The following JPH3 variants were observed in gnomAD, a reference collection of about 807,000 sequenced individuals.
JPH3 encodes the protein junctophilin-3.
JPH3 carries 11 observed loss-of-function variants against 59.6 expected under a neutral mutation model. The ratio of observed to expected loss-of-function variants is 0.18; its 90% CI spans 0.12 to 0.31. The LOEUF (loss-of-function observed/expected upper bound fraction) is 0.31, where lower values mean the gene tolerates loss of function less well. Among genes scored for constraint, JPH3 ranks in the 10% least tolerant of loss-of-function variants. The probability of loss-of-function intolerance (pLI) is 1.00; values close to 1 mark genes in which losing one functional copy is unlikely to be tolerated. For missense variants in JPH3, 1,202 were observed against 1,105.7 expected, an observed-to-expected ratio of 1.09 and a Z score of -1.24; for synonymous variants, 673 against 483.6, an observed-to-expected ratio of 1.39 and a Z score of -5.14.
chr16:87,605,460 C>G (rs1399648837), intron 1 of JPH3, among the ~76,000 whole-genome samples: 1 of 152,226 alleles, frequency 6.6e-6, no homozygotes, highest in Non-Finnish European at 1.5e-5. Flanking sequence ...AAAGCAGACA[C>G]AGATCTTTGC....
intron 1 of JPH3, among the ~76,000 whole-genome samples, chr16:87,642,051 C>T (rs994230304): frequency 6.6e-5 from 10 of 151,958 alleles, no homozygotes; most frequent in African/African-American, 1.2e-4. Flanking sequence ...GAGGAGAGAG[C>T]GTGAACAGAG....
chr16:87,677,185 T>TACACACACACAC (rs764055221), intron 2 of JPH3, among the ~76,000 whole-genome samples: 2 of 95,196 alleles, frequency 2.1e-5, no homozygotes, highest in African/African-American at 9.4e-5. Flanking sequence ...TATATATATA[T>TACACACACACAC]ACACACACAC....
chr16:87,620,272 A>G (rs1478269980), intron 1 of JPH3, among the ~76,000 whole-genome samples: 3 of 150,764 alleles, frequency 2.0e-5, no homozygotes, highest in African/African-American at 7.3e-5. Context: ...GGAAGAGTAC[A>G]GCAGAGGCCA....
chr16:87,661,415 C>G (rs57093216), intron 2 of JPH3, among the ~76,000 whole-genome samples: 28,948 of 151,860 alleles, frequency 0.19, 3,144 homozygotes, highest in South Asian at 0.38. Context: ...CCACGCTCTC[C>G]TCTGGGCCTG....
At chr16:87,653,438 A>G (rs72628301) in intron 2 of JPH3, 33,664 of 152,152 alleles carry the variant, frequency 0.22, 3,888 homozygotes, top group East Asian at 0.35. Flanking sequence ...GCCCAGCAGG[A>G]AGCCCCACAG....
intron 2 of JPH3, among the ~76,000 whole-genome samples, chr16:87,669,872 G>A (rs761753080): frequency 1.1e-4 from 17 of 152,110 alleles, no homozygotes; most frequent in Non-Finnish European, 2.1e-4. Context: ...GAGGAGCAGA[G>A]AGGTTGCAGC....
chr16:87,687,192 G>A (rs1437118390), intron 3 of JPH3, among the ~76,000 whole-genome samples: 1 of 152,154 alleles, frequency 6.6e-6, no homozygotes, highest in Non-Finnish European at 1.5e-5. Context: ...GCTGGGGGAA[G>A]CTGTCCAGGT....
At chr16:87,627,339 G>T (rs2031414585) in intron 1 of JPH3, among the ~76,000 whole-genome samples, 1 of 152,212 alleles carries the variant, frequency 6.6e-6, no homozygotes, top group Non-Finnish European at 1.5e-5. Flanking sequence ...AGCTTGAGGG[G>T]GTCTTGGCGC....
chr16:87,621,890 C>T (rs1075969), intron 1 of JPH3, among the ~76,000 whole-genome samples: 48,649 of 151,960 alleles, frequency 0.32, 8,108 homozygotes, highest in African/African-American at 0.37. Context: ...AGACCTGCAC[C>T]AAAATAATGC....
chr16:87,650,945 C>T (rs2032308394), intron 2 of JPH3, among the ~76,000 whole-genome samples: 1 of 152,250 alleles, frequency 6.6e-6, no homozygotes, highest in Non-Finnish European at 1.5e-5. Context: ...GATGGAACAG[C>T]TTTCTATTGG....
intron 3 of JPH3, among the ~76,000 whole-genome samples, chr16:87,685,157 C>T (rs1597289952): frequency 6.6e-6 from 1 of 152,200 alleles, no homozygotes; most frequent in Non-Finnish European, 1.5e-5. Context: ...CTGGGCGCTC[C>T]CCTGACTGGA....
intron 2 of JPH3, among the ~76,000 whole-genome samples, chr16:87,664,496 G>T (rs999144999): frequency 2.0e-5 from 3 of 151,950 alleles, no homozygotes; most frequent in Non-Finnish European, 4.4e-5. Flanking sequence ...GTGGTGGCAT[G>T]CGCCTGTAAT....
Position 87,657,422 on chromosome 16 carries a change from A to G in JPH3, c.1160+12387A>G, listed in dbSNP as rs115520943. Among the ~76,000 whole-genome samples, 285 of 152,268 alleles carry G rather than the reference A, an allele frequency of 1.9e-3. 3 individuals carry two copies. The highest frequency in any genetic ancestry group is 6.5e-3 in the African/African-American group (269 of 41,536). On this transcript the variant is annotated intron_variant, in intron 2 of 4. Transcript: ENST00000284262. Reference sequence around the variant, plus strand: ...GGGAACAACGGGGAGTGGCTTCTTCATGGGTGTAGGGTTTCTGTTGAGGGC... The same window carrying G: ...GGGAACAACGGGGAGTGGCTTCTTCGTGGGTGTAGGGTTTCTGTTGAGGGC...
chr16:87,695,457 C>T (rs556685081), intron 4 of JPH3: 10 of 455,800 alleles, frequency 2.2e-5, no homozygotes, highest in South Asian at 6.2e-5. Flanking sequence ...TGGAGGGCTC[C>T]GGGGGCTCTG....
chr16:87,606,635 A>T (rs1351940869), intron 1 of JPH3, among the ~76,000 whole-genome samples: 2 of 152,202 alleles, frequency 1.3e-5, no homozygotes, highest in African/African-American at 4.8e-5. Flanking sequence ...CAAAAGGTTG[A>T]TAACAATACC....
At chr16:87,661,669 G>A (rs182781231) in intron 2 of JPH3, among the ~76,000 whole-genome samples, 1 of 152,220 alleles carries the variant, frequency 6.6e-6, no homozygotes, top group Admixed American at 6.5e-5. Flanking sequence ...GAAGAGTCAC[G>A]GGACAGCCCT....
chr16:87,682,409 C>G (rs979323657), intron 2 of JPH3, among the ~76,000 whole-genome samples: 1 of 152,040 alleles, frequency 6.6e-6, no homozygotes, highest in African/African-American at 2.4e-5. Context: ...TAATCCTCAC[C>G]ACCAGGGCGA....
At position 87,644,967 on chromosome 16, in the gene JPH3, C is replaced by T. The variant is rs1409281748; in HGVS notation, c.1092C>T (p.Asp364=). Residue 364 remains aspartate (D), a synonymous_variant, in exon 2 of 5, where the codon GAC becomes GAT. Coordinates refer to ENST00000284262, the MANE Select transcript of JPH3 (RefSeq NM_020655.4). ...CCAGCAAGATCCGCGAGAAGGTGGA[C>T]CGCGCCGTTGAGGCCGCTGAGCGGG... ...LRASKIREKV[D]RAVEAAERAA... is the part of the protein sequence containing the mutation. The T allele has an allele frequency of 1.2e-6, 2 of 1,610,826 alleles. No homozygotes were observed. Among genetic ancestry groups the T allele is most frequent in the African/African-American group, 1.3e-5 (1 of 74,996 alleles).
At chr16:87,661,311 C>A (rs959698592) in intron 2 of JPH3, among the ~76,000 whole-genome samples, 6 of 152,254 alleles carry the variant, frequency 3.9e-5, no homozygotes, top group African/African-American at 1.4e-4. Flanking sequence ...TCAGTCATAT[C>A]TGCAAAGTCC....
Sources: allele counts gnomAD v4.1 joint callset (sites outside exome capture counted in the v4.1 genomes callset), GRCh38; gene constraint gnomAD v4.1.1; transcripts MANE v1.5; gene names NCBI Gene and HGNC (gene_info 2026-07-23, HGNC 2026-07-21).